The following XKR4 variants were observed in gnomAD, a reference collection of about 807,000 sequenced individuals.
XKR4 encodes the protein XK related 4.
In XKR4, 12 loss-of-function variants were observed where a neutral mutation model predicts 53.9. That is an observed-to-expected ratio of 0.22 (90% CI 0.14 to 0.36). The LOEUF (loss-of-function observed/expected upper bound fraction) is 0.36. Among genes scored for constraint, XKR4 ranks in the 10% least tolerant of loss-of-function variants. The pLI is 1.00. For synonymous variants in XKR4, 354 were observed against 362.4 expected (o/e 0.98, Z 0.26); for missense variants, 799 against 859.5 (o/e 0.93, Z 0.88).
rs1223238768 is a variant in XKR4 at position 55,523,822 on chromosome 8, T to G, written c.1548T>G (p.Asn516Lys). 6.2e-7 allele frequency: 1 copy of G among 1,614,188 alleles called. No individual in the cohort carries two copies. Among genetic ancestry groups the G allele is most frequent in the Admixed American group, 1.7e-5 (1 of 60,030 alleles). The change falls in exon 3 of 3, where the codon AAT (asparagine) becomes AAG (lysine). Residue 516 changes from asparagine to lysine, a missense_variant. Physicochemically the swap from Asn to Lys is moderately conservative, Grantham distance 94 (BLOSUM62 0). Transcript: ENST00000327381. ...TGTATTATGCCTTCTTTCATCCCAA[T>G]GGACCCAGATTCGGGCAGTCACCAA... The part of the protein sequence containing the change: ...MLMYYAFFHP[N>K]GPRFGQSPSC...
At chr8:55,214,914 G>T (rs1563484981) in intron 1 of XKR4, among the ~76,000 whole-genome samples, 1 of 152,114 alleles carries the variant, frequency 6.6e-6, no homozygotes, top group East Asian at 1.9e-4. Flanking sequence ...ACATATAAAA[G>T]AAGAAAATAT....
chr8:55,172,210 CA>C (rs35747779), intron 1 of XKR4, among the ~76,000 whole-genome samples: 10,327 of 137,010 alleles, frequency 0.075, 543 homozygotes, highest in African/African-American at 0.16. Context: ...GACTCTCTCT[CA>C]AAAAAAAAAA....
intron 1 of XKR4, among the ~76,000 whole-genome samples, chr8:55,265,099 A>G (rs531318964): frequency 3.3e-5 from 5 of 152,354 alleles, no homozygotes; most frequent in South Asian, 2.1e-4. Flanking sequence ...TCTGCAAGCC[A>G]TCTTCCACCC....
At chr8:55,357,213 T>G (rs1803809023) in intron 1 of XKR4, among the ~76,000 whole-genome samples, 1 of 152,192 alleles carries the variant, frequency 6.6e-6, no homozygotes, top group Non-Finnish European at 1.5e-5. Context: ...CTTTTGTATA[T>G]GTTGGGAATT....
At chr8:55,432,348 T>G (rs1191373012) in intron 2 of XKR4, among the ~76,000 whole-genome samples, 4 of 152,036 alleles carry the variant, frequency 2.6e-5, no homozygotes, top group Admixed American at 2.0e-4. Flanking sequence ...CTCCGAGGGG[T>G]TTTCTGAAGA....
At chr8:55,175,853 T>C (rs1202261454) in intron 1 of XKR4, among the ~76,000 whole-genome samples, 1 of 152,226 alleles carries the variant, frequency 6.6e-6, no homozygotes, top group East Asian at 1.9e-4. Flanking sequence ...ATGTGAGTGG[T>C]GCATAAAGTT....
intron 1 of XKR4, among the ~76,000 whole-genome samples, chr8:55,168,073 CT>C (rs947184235): frequency 6.6e-6 from 1 of 152,106 alleles, no homozygotes; most frequent in African/African-American, 2.4e-5. Context: ...AATTGGGAAA[CT>C]CTTAGATTCT....
intron 1 of XKR4, among the ~76,000 whole-genome samples, chr8:55,163,940 AT>A (rs1305627928): frequency 6.6e-6 from 1 of 152,254 alleles, no homozygotes; most frequent in African/African-American, 2.4e-5. Context: ...TTAAACTAGA[AT>A]GGGAAAACAT....
chr8:55,471,940 C>T (rs1464329886), intron 2 of XKR4, among the ~76,000 whole-genome samples: 2 of 152,130 alleles, frequency 1.3e-5, no homozygotes, highest in Non-Finnish European at 2.9e-5. Context: ...AACCTCTTTT[C>T]TTTATAAATT....
intron 1 of XKR4, among the ~76,000 whole-genome samples, chr8:55,138,738 T>C (rs1816663325): frequency 6.6e-6 from 1 of 152,210 alleles, no homozygotes; most frequent in African/African-American, 2.4e-5. Context: ...GGGAAGGTGA[T>C]AGAGTTTCTA....
chr8:55,344,768 A>C (rs1803610150), intron 1 of XKR4, among the ~76,000 whole-genome samples: 1 of 152,238 alleles, frequency 6.6e-6, no homozygotes, highest in Non-Finnish European at 1.5e-5. Context: ...CAAGTTGCCC[A>C]AGAGGCCCTG....
intron 2 of XKR4, among the ~76,000 whole-genome samples, chr8:55,476,743 T>C (rs1405442937): frequency 6.6e-6 from 1 of 152,082 alleles, no homozygotes; most frequent in East Asian, 1.9e-4. Flanking sequence ...CAGGAGATTA[T>C]ATCCCGCACC....
At chr8:55,382,032 A>T (rs1262074483) in intron 2 of XKR4, among the ~76,000 whole-genome samples, 2 of 152,256 alleles carry the variant, frequency 1.3e-5, no homozygotes, top group Non-Finnish European at 2.9e-5. Context: ...TCTCCCAAAA[A>T]ATTAAATCTT....
At chr8:55,373,229 C>G (rs989063787) in intron 2 of XKR4, among the ~76,000 whole-genome samples, 20 of 152,130 alleles carry the variant, frequency 1.3e-4, no homozygotes, top group African/African-American at 4.8e-4. Flanking sequence ...TACAGTGGCG[C>G]GATCTTGGCT....
intron 2 of XKR4, among the ~76,000 whole-genome samples, chr8:55,405,022 C>G (rs1289799925): frequency 6.6e-6 from 1 of 152,162 alleles, no homozygotes; most frequent in Non-Finnish European, 1.5e-5. Context: ...ATGTCTGGTA[C>G]AATTTGTGCA....
intron 2 of XKR4, among the ~76,000 whole-genome samples, chr8:55,395,357 C>A (rs988338925): frequency 1.3e-5 from 2 of 151,602 alleles, no homozygotes; most frequent in African/African-American, 2.4e-5. Context: ...AGTTTGCAAG[C>A]AGAGAATGGA....
intron 2 of XKR4, among the ~76,000 whole-genome samples, chr8:55,485,294 C>G (rs1290125090): frequency 2.6e-5 from 4 of 152,100 alleles, no homozygotes; most frequent in Non-Finnish European, 5.9e-5. Flanking sequence ...AAAGCATATA[C>G]TTTGAAATGG....
chr8:55,300,809 G>C (rs1239784983), intron 1 of XKR4, among the ~76,000 whole-genome samples: 1 of 152,096 alleles, frequency 6.6e-6, no homozygotes, highest in Admixed American at 6.6e-5. Flanking sequence ...CATTGGAGAA[G>C]AACATCTGGA....
intron 2 of XKR4, among the ~76,000 whole-genome samples, chr8:55,436,410 G>A (rs1368600588): frequency 6.6e-6 from 1 of 152,166 alleles, no homozygotes; most frequent in African/African-American, 2.4e-5. Context: ...TATTTGACAA[G>A]TTCCTGATCA....
Sources: gnomAD v4.1 joint callset for allele counts (sites outside exome capture counted in the v4.1 genomes callset) on GRCh38, gnomAD v4.1.1 for gene constraint, MANE v1.5 for transcripts, NCBI Gene and HGNC (gene_info 2026-07-23, HGNC 2026-07-21) for gene names.